The following GADL1 variants were observed in gnomAD, a reference collection of about 807,000 sequenced individuals.
GADL1 encodes GAD like acidic amino acid decarboxylase 1.
A neutral mutation model predicts 69.5 loss-of-function variants in GADL1; 71 were observed. That is an observed-to-expected ratio of 1.02 (90% confidence interval 0.84 to 1.25). The LOEUF (loss-of-function observed/expected upper bound fraction) is 1.25. GADL1 is among the 50% of genes most tolerant of loss of function. GADL1 has a pLI of 0.00. For missense variants in GADL1, 737 were observed against 631.8 expected (o/e 1.17, Z -1.79); for synonymous variants, 254 against 214.4 (o/e 1.18, Z -1.62).
At chr3:30,842,306 C>T (rs1697979817) in intron 8 of GADL1, among the ~76,000 whole-genome samples, 1 of 151,840 alleles carries the variant, frequency 6.6e-6, no homozygotes, top group Admixed American at 6.6e-5. Context: ...TAAATATACT[C>T]AACTATTTAT....
chr3:30,871,021 C>A (rs1280553499), intron 1 of GADL1, among the ~76,000 whole-genome samples: 2 of 145,386 alleles, frequency 1.4e-5, no homozygotes, highest in African/African-American at 5.1e-5. Context: ...ACAGAAAAAG[C>A]AACATGGACT....
At chr3:30,805,837 A>G (rs114387078) in intron 11 of GADL1, among the ~76,000 whole-genome samples, 4 of 148,006 alleles carry the variant, frequency 2.7e-5, no homozygotes, top group Non-Finnish European at 5.9e-5. Context: ...GGTTTCAGGA[A>G]GAAACAGTTC....
chr3:30,789,889 C>T (rs1428553370), intron 12 of GADL1, among the ~76,000 whole-genome samples: 1 of 152,168 alleles, frequency 6.6e-6, no homozygotes, highest in African/African-American at 2.4e-5. Flanking sequence ...CAATGTCATG[C>T]CTGCTTTGAT....
In GADL1 at chr3:30,740,957, T is replaced by TTATTATATATTATATATCAATATA. The variant is rs1559483980; in HGVS notation, c.1393-12543_1393-12542insTATATTGATATATAATATATAATA. ...ATTATATTTGATATATCAAATATAT[T>TTATTATATATTATATATCAATATA]TATTATATATTATATATTAATATAT... On this transcript the variant is annotated intron_variant, in intron 14 of 14. Coordinates refer to ENST00000282538, the MANE Select transcript of GADL1 (RefSeq NM_207359.3). Among the ~76,000 whole-genome samples, 71 of 124,158 alleles carry TTATTATATATTATATATCAATATA rather than the reference T, an allele frequency of 5.7e-4. 1 individual carries two copies. The highest frequency in any genetic ancestry group is 2.7e-3 in the African/African-American group (70 of 25,524). 81.5% of individuals were successfully genotyped at this position (124,158 alleles called of 152,430 possible).
At chr3:30,741,732 G>A (rs1695629436) in intron 14 of GADL1, among the ~76,000 whole-genome samples, 2 of 152,064 alleles carry the variant, frequency 1.3e-5, no homozygotes, top group Non-Finnish European at 1.5e-5. Context: ...CTAAAATTAT[G>A]GTGTTTTTCA....
At chr3:30,842,330 T>C (rs1490644741) in intron 8 of GADL1, among the ~76,000 whole-genome samples, 1 of 150,280 alleles carries the variant, frequency 6.7e-6, no homozygotes, top group Admixed American at 6.6e-5. Flanking sequence ...TCAAATGGTA[T>C]TATGTCTGGG....
intron 14 of GADL1, among the ~76,000 whole-genome samples, chr3:30,765,862 TTG>T (rs1354994849): frequency 5.3e-5 from 8 of 152,292 alleles, no homozygotes; most frequent in Admixed American, 1.3e-4. Flanking sequence ...ATTGCATAAT[TTG>T]TCTGTTTCTC....
At chr3:30,847,899 T>C (rs1698083006) in intron 6 of GADL1, among the ~76,000 whole-genome samples, 1 of 152,212 alleles carries the variant, frequency 6.6e-6, no homozygotes. Flanking sequence ...ATCTCTGTTC[T>C]AGGCTTCCAC....
At chr3:30,863,027 T>TCTCACACACACACACACA (rs1553603176) in intron 1 of GADL1, among the ~76,000 whole-genome samples, 1 of 110,142 alleles carries the variant, frequency 9.1e-6, no homozygotes, top group African/African-American at 2.7e-5. Flanking sequence ...CATGTCTGTT[T>TCTCACACACACACACACA]CACACACACA....
chr3:30,840,629 C>T (rs867800551), intron 8 of GADL1, among the ~76,000 whole-genome samples: 16 of 152,138 alleles, frequency 1.1e-4, no homozygotes, highest in East Asian at 3.9e-4. Flanking sequence ...TTAATGGTTG[C>T]GCTTTTCCTC....
At chr3:30,801,156 A>C in intron 11 of GADL1, 68 bp from the exon 12 acceptor site, 2 of 1,151,428 alleles carry the variant, frequency 1.7e-6, no homozygotes, top group Non-Finnish European at 2.6e-6. Flanking sequence ...AAGCAAACAC[A>C]TGTACACACA....
At chr3:30,880,034 G>A (rs970618868) in intron 1 of GADL1, among the ~76,000 whole-genome samples, 2 of 151,756 alleles carry the variant, frequency 1.3e-5, no homozygotes, top group African/African-American at 2.4e-5. Flanking sequence ...AAGGAAGGAG[G>A]TATTCATAAA....
intron 11 of GADL1, among the ~76,000 whole-genome samples, chr3:30,831,396 C>T (rs138802338): frequency 0.017 from 2,607 of 151,972 alleles, 43 homozygotes; most frequent in Middle Eastern, 0.034. Context: ...CTGTGTATTA[C>T]TGAAGTACTA....
Position 30,861,244 on chromosome 3 carries a change from A to G in GADL1, c.210+349T>C, listed in dbSNP as rs193070203. On this transcript the variant is annotated intron_variant, in intron 2 of 14. Coordinates refer to ENST00000282538, the MANE Select transcript of GADL1 (RefSeq NM_207359.3). ...GTGTGCACTAGAAAATGGGGAGCAAAGAGCATTAGAGAGTTGCGTAAGTGA... is the reference window on the plus strand; with the variant it reads ...GTGTGCACTAGAAAATGGGGAGCAAGGAGCATTAGAGAGTTGCGTAAGTGA... 2.5e-3 allele frequency among the ~76,000 whole-genome samples: 383 copies of G among 151,686 alleles called. 2 individuals are homozygous for G. The highest frequency in any genetic ancestry group is 3.8e-3 in the Non-Finnish European group (261 of 67,836).
chr3:30,822,169 A>G lies in GADL1; in HGVS notation c.1050+11684T>C, dbSNP rs1310744650. On this transcript the variant is annotated intron_variant, in intron 11 of 14. Coordinates refer to ENST00000282538, the MANE Select transcript of GADL1 (RefSeq NM_207359.3). ...TGACAAAATTCCACAACAAGAATAG[A>G]TGGCTGGATGATATTTCCAAATACC... 2.0e-5 allele frequency among the ~76,000 whole-genome samples: 3 copies of G among 152,186 alleles called. No individual in the cohort carries two copies. The East Asian group carries it at 5.8e-4, about 29-fold the overall frequency.
At chr3:30,861,262 G>C (rs111635997) in intron 2 of GADL1, among the ~76,000 whole-genome samples, 13 of 151,628 alleles carry the variant, frequency 8.6e-5, no homozygotes, top group Non-Finnish European at 1.5e-4. Context: ...AGAGAGTTGC[G>C]TAAGTGAGAT....
At chr3:30,801,410 A>G (rs563346356) in intron 11 of GADL1, among the ~76,000 whole-genome samples, 1 of 152,274 alleles carries the variant, frequency 6.6e-6, no homozygotes, top group East Asian at 1.9e-4. Flanking sequence ...AAAACTGTCT[A>G]TAACTCAAAG....
intron 14 of GADL1, among the ~76,000 whole-genome samples, chr3:30,744,620 G>A (rs538882088): frequency 5.9e-5 from 9 of 152,180 alleles, no homozygotes; most frequent in South Asian, 2.1e-4. Flanking sequence ...AGACCGAGGC[G>A]GGAGGATTGC....
intron 12 of GADL1, among the ~76,000 whole-genome samples, chr3:30,789,530 C>T (rs1208927004): frequency 1.3e-5 from 2 of 152,178 alleles, no homozygotes; most frequent in Admixed American, 1.3e-4. Flanking sequence ...TAGATTCAGC[C>T]TGTCTTTGAA....
Sources: gnomAD v4.1 joint callset for allele counts (sites outside exome capture counted in the v4.1 genomes callset) on GRCh38, gnomAD v4.1.1 for gene constraint, MANE v1.5 for transcripts, NCBI Gene and HGNC (gene_info 2026-07-23, HGNC 2026-07-21) for gene names.